Variants in ANXA6 observed in about 807,000 individuals in gnomAD.
ANXA6 encodes the protein 67 kDa calelectrin.
ANXA6 carries 71 observed loss-of-function variants against 95.4 expected under a neutral mutation model. The observed-to-expected ratio is 0.74, with a 90% CI of 0.61 to 0.91. The LOEUF is 0.91. Among genes scored for constraint, ANXA6 ranks in the 40% least tolerant of loss-of-function variants. The pLI is 0.00. For missense variants in ANXA6, 830 were observed against 876.4 expected (o/e 0.95, Z 0.67); for synonymous variants, 289 against 315.9 (o/e 0.91, Z 0.90).
At chr5:151,116,797 C>T (rs998318297) in intron 20 of ANXA6, among the ~76,000 whole-genome samples, 2 of 152,202 alleles carry the variant, frequency 1.3e-5, no homozygotes, top group South Asian at 2.1e-4. Context: ...GTCAATTCTA[C>T]TGGGGCCACT....
Position 151,128,231 on chromosome 5 carries a change from G to A in ANXA6, c.927C>T (p.Thr309=). The A allele has an allele frequency of 6.2e-7, 1 of 1,611,042 alleles. No homozygotes were observed. The highest frequency in any genetic ancestry group is 8.5e-7 in the Non-Finnish European group (1 of 1,178,900). Residue 309 remains threonine, a synonymous_variant, in exon 13 of 26, where the codon ACC becomes ACT. Coordinates refer to ENST00000354546, the MANE Select transcript of ANXA6 (RefSeq NM_001155.5). ...KSLYSMIKND[T]SGEYKKTLLK... is the part of the protein sequence containing the mutation. ...GCAGAGTCTTCTTGTACTCGCCAGA[G>A]GTGTCATTCTGAAGAGAAAGAAAGA... is the stretch of plus-strand genomic sequence containing the variant.
rs1395675784 is a variant in ANXA6, at chr5:151,119,369, C to T, written c.1369G>A (p.Ala457Thr). 2 of 1,613,866 alleles carry T rather than the reference C, an allele frequency of 1.2e-6. No individual in the cohort carries two copies. Among genetic ancestry groups the T allele is most frequent in the Non-Finnish European group, 1.7e-6 (2 of 1,179,878 alleles). The change falls in exon 18 of 26, where the codon GCT (alanine) becomes ACT (threonine). Residue 457 changes from alanine to threonine, a missense_variant. Transcript: ENST00000354546. The part of the protein sequence containing the change: ...AMEGAGTDEK[A>T]LIEILATRTN... Reference sequence around the variant, plus strand: ...CGAGTGGCCAGGATTTCAATAAGAGCCTTTTCATCTGTGCCGGCTCCCTGG... The same window carrying T: ...CGAGTGGCCAGGATTTCAATAAGAGTCTTTTCATCTGTGCCGGCTCCCTGG...
chr5:151,146,331 T>C (rs1441575154), intron 2 of ANXA6, among the ~76,000 whole-genome samples: 2 of 152,166 alleles, frequency 1.3e-5, no homozygotes, highest in Non-Finnish European at 2.9e-5. Context: ...CCACCTTGGA[T>C]TTTTGCCCAT....
intron 14 of ANXA6, 45 bp downstream of exon 14, chr5:151,126,357 G>A (rs200286991): frequency 1.3e-6 from 2 of 1,532,828 alleles, no homozygotes; most frequent in East Asian, 4.7e-5. Context: ...TGCAAGCAGA[G>A]AAGCTGTGGT....
At chr5:151,154,290 T>A (rs1259426346) in intron 1 of ANXA6, among the ~76,000 whole-genome samples, 4 of 131,860 alleles carry the variant, frequency 3.0e-5, no homozygotes, top group Non-Finnish European at 6.3e-5. Flanking sequence ...ATATGGCAGT[T>A]TGCAGTATAT....
At position 151,119,349 on chromosome 5, in the gene ANXA6, G is replaced by A. The variant is rs762147352; in HGVS notation, c.1389C>T (p.Ala463=). The change falls in exon 18 of 26, where the codon GCC becomes GCT. Residue 463 remains alanine (A), a synonymous_variant. Coordinates refer to ENST00000354546, the MANE Select transcript of ANXA6 (RefSeq NM_001155.5). ...TDEKALIEIL[A]TRTNAEIRAI... ...CCCGGATTTCAGCATTGGTCCGAGT[G>A]GCCAGGATTTCAATAAGAGCCTTTT... is the stretch of plus-strand genomic sequence containing the variant. 6.2e-7 allele frequency: 1 copy of A among 1,613,702 alleles called. No individual in the cohort carries two copies. Among genetic ancestry groups the A allele is most frequent in the South Asian group, 1.1e-5 (1 of 91,062 alleles).
chr5:151,154,589 C>T (rs987020821), intron 1 of ANXA6, among the ~76,000 whole-genome samples: 2 of 152,118 alleles, frequency 1.3e-5, no homozygotes, highest in African/African-American at 4.8e-5. Flanking sequence ...GGAAGACACC[C>T]AGGACCCGCT....
chr5:151,117,731 C>T (rs887043447), intron 19 of ANXA6, 27 bp downstream of exon 19: 11 of 1,604,110 alleles, frequency 6.9e-6, no homozygotes, highest in African/African-American at 4.0e-5. Flanking sequence ...ATGGGCAAGC[C>T]GACCTGGGGC....
At chr5:151,123,063 TC>T in intron 15 of ANXA6, 52 bp from the exon 16 acceptor site, 2 of 1,495,798 alleles carry the variant, frequency 1.3e-6, no homozygotes, top group Non-Finnish European at 1.9e-6. Flanking sequence ...CTCTCGGCTT[TC>T]CCCATGCACC....
intron 2 of ANXA6, among the ~76,000 whole-genome samples, chr5:151,141,898 T>G (rs903928779): frequency 6.6e-6 from 1 of 152,112 alleles, no homozygotes; most frequent in Admixed American, 6.5e-5. Context: ...TGGCCTTACT[T>G]CAGACCTCAC....
intron 12 of ANXA6, among the ~76,000 whole-genome samples, chr5:151,128,536 G>A (rs569111130): frequency 8.5e-5 from 13 of 152,262 alleles, no homozygotes; most frequent in African/African-American, 2.9e-4. Flanking sequence ...AGAGATGCTC[G>A]CTGCCCTTTC....
chr5:151,126,378 A>G (rs369323619), intron 14 of ANXA6, 24 bp downstream of exon 14: 213 of 1,592,466 alleles, frequency 1.3e-4, no homozygotes, highest in Non-Finnish European at 1.7e-4. Flanking sequence ...CAAGAGGTCA[A>G]GCAGGAGGAG....
chr5:151,106,335 A>G (rs1764694600), intron 23 of ANXA6, among the ~76,000 whole-genome samples: 1 of 152,186 alleles, frequency 6.6e-6, no homozygotes, highest in Non-Finnish European at 1.5e-5. Context: ...ATGACTCTGG[A>G]TATAATGAGA....
At chr5:151,141,588 C>G (rs553603680) in intron 2 of ANXA6, 1 of 985,538 alleles carries the variant, frequency 1.0e-6, no homozygotes, top group Non-Finnish European at 1.2e-6. Flanking sequence ...CCCCTCTCCC[C>G]GTCTCCGTGC....
At chr5:151,122,299 C>T (rs1210071796) in intron 16 of ANXA6, 39 bp from the exon 17 acceptor site, 1 of 1,235,278 alleles carries the variant, frequency 8.1e-7, no homozygotes, top group South Asian at 1.3e-5. Context: ...AACATCAGCA[C>T]TTGCCCACAC....
rs550342119 is a variant in ANXA6, at chr5:151,126,508, C to A, written c.978-28G>T. ...GGAATGGAGGGGTTTAGGGAGAGGA[C>A]AGGAAGGAATGTCATCATGGGCAAC... On this transcript the variant is annotated intron_variant, in intron 13 of 25. Transcript: ENST00000354546. 2.3e-5 allele frequency: 36 copies of A among 1,578,112 alleles called. No individual in the cohort carries two copies. The South Asian group carries it at 4.1e-4, about 18-fold the overall frequency.
intron 5 of ANXA6, among the ~76,000 whole-genome samples, chr5:151,137,829 T>G (rs1425883296): frequency 6.6e-6 from 1 of 152,192 alleles, no homozygotes; most frequent in African/African-American, 2.4e-5. Flanking sequence ...ATGAGCCAAT[T>G]CAACCTCTTT....
chr5:151,135,643 G>A (rs1474892111), intron 7 of ANXA6, among the ~76,000 whole-genome samples: 3 of 152,176 alleles, frequency 2.0e-5, no homozygotes, highest in South Asian at 2.1e-4. Context: ...CGGGCAGGAC[G>A]CATATGCTCT....
At position 151,101,441 on chromosome 5, in the gene ANXA6, T is replaced by C; in HGVS notation, c.*7A>G. ...TCTTGGCAGAAGTGCCCGCCAAAGC[T>C]GTGGCCCTAGTCCTCACCACCACAG... is the stretch of plus-strand genomic sequence containing the variant. On this transcript the variant is annotated 3_prime_UTR_variant, in exon 26 of 26. Transcript: ENST00000354546. 6.5e-7 allele frequency: 1 copy of C among 1,550,350 alleles called. No individual in the cohort carries two copies. The highest frequency in any genetic ancestry group is 8.7e-7 in the Non-Finnish European group (1 of 1,146,856).
Sources: gnomAD v4.1 joint callset for allele counts (sites outside exome capture counted in the v4.1 genomes callset) on GRCh38, gnomAD v4.1.1 for gene constraint, MANE v1.5 for transcripts, NCBI Gene and HGNC (gene_info 2026-07-23, HGNC 2026-07-21) for gene names.